Variants in BMS1 observed in about 807,000 individuals in gnomAD.
The protein encoded by BMS1 is BMS1 ribosome biogenesis factor.
Under a neutral mutation model 138.7 loss-of-function variants are expected in BMS1, and 53 were observed. The ratio of observed to expected loss-of-function variants is 0.38; its 90% CI spans 0.31 to 0.48. The LOEUF (loss-of-function observed/expected upper bound fraction) is 0.48, where lower values mean the gene tolerates loss of function less well. Among genes scored for constraint, BMS1 ranks in the 20% least tolerant of loss-of-function variants. The pLI, the probability that BMS1 is intolerant of heterozygous loss-of-function variation, is 0.97. For missense variants in BMS1, 1,360 were observed against 1,565.5 expected (o/e 0.87, Z 2.22); for synonymous variants, 504 against 539.9 (o/e 0.93, Z 0.92).
chr10:42,792,952 T>TC lies in BMS1; in HGVS notation c.902-3dup. On this transcript the variant is annotated splice_polypyrimidine_tract_variant and splice_region_variant and intron_variant, in intron 7 of 22. Coordinates refer to ENST00000374518, the MANE Select transcript of BMS1 (RefSeq NM_014753.4). ...TGAAGCTGGCTTTTGGGTTCTGTCTTCCAGGGGTAGGAGATTTTGCCGTGA... is the reference window on the plus strand; with the variant it reads ...TGAAGCTGGCTTTTGGGTTCTGTCTTCCCAGGGGTAGGAGATTTTGCCGTGA... 6.2e-7 allele frequency: 1 copy of TC among 1,608,570 alleles called. No individual in the cohort carries two copies. Among genetic ancestry groups the TC allele is most frequent in the Non-Finnish European group, 8.5e-7 (1 of 1,177,810 alleles).
rs1400587176 is a variant in BMS1, at chr10:42,811,516, T to TTTTC, written c.2330-5079_2330-5076dup. Among the ~76,000 whole-genome samples the TTTTC allele has an allele frequency of 2.2e-4, 27 of 120,054 alleles. 1 individual carries two copies. Among genetic ancestry groups the TTTTC allele is most frequent in the South Asian group, 9.5e-4 (3 of 3,152 alleles). The allele number at this position is 120,054 out of a possible 152,430, so 78.8% of individuals were successfully genotyped here. The stretch of plus-strand genomic sequence containing the variant: ...ACCCCACAAATGTTCACGTGTTGTA[T>TTTTC]TTTCTTTTTCTTTTTTTTTTTTTTT... On this transcript the variant is annotated intron_variant, in intron 13 of 22. Transcript: ENST00000374518.
chr10:42,805,310 C>T (rs1428251767), intron 13 of BMS1, among the ~76,000 whole-genome samples: 1 of 152,144 alleles, frequency 6.6e-6, no homozygotes, highest in Non-Finnish European at 1.5e-5. Flanking sequence ...TCTGGGCTCT[C>T]TGTTCTGTTC....
intron 12 of BMS1, among the ~76,000 whole-genome samples, chr10:42,801,520 C>G (rs540822725): frequency 6.6e-6 from 1 of 152,292 alleles, no homozygotes; most frequent in Non-Finnish European, 1.5e-5. Context: ...TATTATCTGT[C>G]TTTGTGATTA....
intron 13 of BMS1, among the ~76,000 whole-genome samples, chr10:42,807,992 A>G (rs1269890723): frequency 6.6e-6 from 1 of 152,152 alleles, no homozygotes; most frequent in Non-Finnish European, 1.5e-5. Context: ...TCTAATAGGT[A>G]TGTGATATTT....
chr10:42,825,394 G>A (rs1449063717), intron 21 of BMS1, among the ~76,000 whole-genome samples: 1 of 152,206 alleles, frequency 6.6e-6, no homozygotes, highest in East Asian at 1.9e-4. Context: ...TGGGTAGCGT[G>A]AACATTTTAA....
In BMS1 at chr10:42,790,306, A is replaced by T; in HGVS notation, c.448-17A>T. The T allele has an allele frequency of 6.2e-7, 1 of 1,612,394 alleles. No homozygotes were observed. The highest frequency in any genetic ancestry group is 8.5e-7 in the Non-Finnish European group (1 of 1,179,640). Reference sequence around the variant, plus strand: ...GTTTTGGTAGTTTCTTTGAGAAATTATGTGTTCTGCTTTTAGGTACTGATG... The same window carrying T: ...GTTTTGGTAGTTTCTTTGAGAAATTTTGTGTTCTGCTTTTAGGTACTGATG... On this transcript the variant is annotated splice_polypyrimidine_tract_variant and intron_variant, in intron 4 of 22. Transcript: ENST00000374518.
At position 42,832,737 on chromosome 10, in the gene BMS1, G is replaced by A. The variant is rs944875461; in HGVS notation, c.*1641G>A. The stretch of plus-strand genomic sequence containing the variant: ...AGGTCCACCTGGGAAGTGACAATTG[G>A]AACACTCCCAGACCTCTCTGGGCAA... On this transcript the variant is annotated 3_prime_UTR_variant, in exon 23 of 23. Transcript: ENST00000374518. 6.6e-6 allele frequency: 1 copy of A among 152,080 alleles called. No individual in the cohort carries two copies. Among genetic ancestry groups the A allele is most frequent in the African/African-American group, 2.4e-5 (1 of 41,414 alleles). The allele number at this position is 152,080 out of a possible 1,614,324, so 9.4% of individuals were successfully genotyped here.
At chr10:42,790,158 C>A (rs866780367) in intron 4 of BMS1, among the ~76,000 whole-genome samples, 165 bp from the exon 5 acceptor site, 2 of 152,298 alleles carry the variant, frequency 1.3e-5, no homozygotes, top group Non-Finnish European at 1.5e-5. Flanking sequence ...AGTGCACAGG[C>A]AGCCATAGAC....
chr10:42,812,280 G>A (rs190105072), intron 13 of BMS1, among the ~76,000 whole-genome samples: 13 of 152,290 alleles, frequency 8.5e-5, no homozygotes, highest in Middle Eastern at 3.4e-3. Context: ...TGAATAGCTG[G>A]TACTATAGGT....
At chr10:42,820,124 A>C in intron 15 of BMS1, 112 bp from the exon 16 acceptor site, 1 of 1,349,726 alleles carries the variant, frequency 7.4e-7, no homozygotes, top group Non-Finnish European at 1.0e-6. Context: ...GGTAAAGCCT[A>C]CATAATTCTG....
chr10:42,830,736 T>C, intron 22 of BMS1, 130 bp from the exon 23 acceptor site: 1 of 850,100 alleles, frequency 1.2e-6, no homozygotes, highest in Non-Finnish European at 1.8e-6. Flanking sequence ...AATGACTTCC[T>C]AGCACAGGAT....
chr10:42,809,952 A>ATT (rs34656411), intron 13 of BMS1, among the ~76,000 whole-genome samples: 31 of 113,996 alleles, frequency 2.7e-4, no homozygotes, highest in East Asian at 5.4e-4. Context: ...TGTCTGGCTA[A>ATT]TTTTTTTTTT....
intron 13 of BMS1, among the ~76,000 whole-genome samples, chr10:42,807,057 C>CGT (rs751951217): frequency 3.3e-5 from 5 of 151,722 alleles, no homozygotes; most frequent in East Asian, 1.9e-4. Flanking sequence ...GTGTGTTTTA[C>CGT]GTGTGTGTGT....
chr10:42,802,160 C>G lies in BMS1; in HGVS notation c.2271C>G (p.Cys757Trp), dbSNP rs747608858. 3.7e-6 allele frequency: 6 copies of G among 1,613,272 alleles called. No homozygotes were observed. In the African/African-American group the frequency reaches 8.0e-5, roughly 22 times the overall value. The change falls in exon 13 of 23, where the codon TGC (cysteine) becomes TGG (tryptophan). Residue 757 changes from cysteine (C) to tryptophan (W), a missense_variant. Cys to Trp is a radical substitution (Grantham distance 215, BLOSUM62 -2). Around this residue, in one of 3 missense-constraint regions of BMS1, gnomAD observed 697 missense variants for 686.2 expected, o/e 1.02. Coordinates refer to ENST00000374518, the MANE Select transcript of BMS1 (RefSeq NM_014753.4). ...LEEVMNSIRDCFVTGKWEDDK... is the reference protein window; with the variant it reads ...LEEVMNSIRDWFVTGKWEDDK... Reference sequence around the variant, plus strand: ...AGGTTATGAACAGTATCAGAGATTGCTTCGTGACTGGAAAGTGGGAAGATG... The same window carrying G: ...AGGTTATGAACAGTATCAGAGATTGGTTCGTGACTGGAAAGTGGGAAGATG...
intron 13 of BMS1, among the ~76,000 whole-genome samples, chr10:42,812,321 T>A (rs886572603): frequency 3.9e-5 from 6 of 152,190 alleles, no homozygotes; most frequent in African/African-American, 9.7e-5. Context: ...AAATTCAAAA[T>A]TTTTTGGAGA....
In BMS1 at chr10:42,784,525, C is replaced by T; in HGVS notation, c.131C>T (p.Ala44Val). The change falls in exon 2 of 23, where the codon GCT becomes GTT. Residue 44 changes from alanine (A) to valine (V), a missense_variant. This residue lies in a region of BMS1 where 238 missense variants were observed against 311.1 expected (regional missense o/e 0.77). Coordinates refer to ENST00000374518, the MANE Select transcript of BMS1 (RefSeq NM_014753.4). ...GATGCCCGGAAGAGAAATCCCAAAG[C>T]TTTTGCAGTTCAGTCTGCTGTGCGG... ...EEDARKRNPK[A>V]FAVQSAVRMA... is the part of the protein sequence containing the mutation. 1 of 1,613,954 alleles carries T rather than the reference C, an allele frequency of 6.2e-7. No individual in the cohort carries two copies.
chr10:42,825,166 G>A (rs1564432473), intron 21 of BMS1, among the ~76,000 whole-genome samples: 2 of 152,032 alleles, frequency 1.3e-5, no homozygotes, highest in African/African-American at 4.8e-5. Context: ...GTGCCACTAT[G>A]CCCAGCCAAT....
intron 20 of BMS1, 51 bp from the exon 21 acceptor site, chr10:42,823,558 G>A (rs1384230787): frequency 2.8e-6 from 4 of 1,441,902 alleles, no homozygotes; most frequent in Non-Finnish European, 3.7e-6. Flanking sequence ...TTCGCAATAT[G>A]GATATGAATC....
At chr10:42,794,761 C>T (rs943028484) in intron 9 of BMS1, among the ~76,000 whole-genome samples, 9 of 145,798 alleles carry the variant, frequency 6.2e-5, no homozygotes, top group African/African-American at 2.0e-4. Flanking sequence ...TTATCATTTC[C>T]TTCTTTTTTT....
Sources: allele counts gnomAD v4.1 joint callset (sites outside exome capture counted in the v4.1 genomes callset), GRCh38; gene constraint gnomAD v4.1.1; regional missense constraint gnomAD v4.1.1; transcripts MANE v1.5; gene names NCBI Gene and HGNC (gene_info 2026-07-23, HGNC 2026-07-21).